The following CLIP2 variants were observed in gnomAD, a reference collection of about 807,000 sequenced individuals.
CLIP2 encodes CAP-Gly domain-containing linker protein 2.
A neutral mutation model predicts 111.7 loss-of-function variants in CLIP2; 41 were observed. The ratio of observed to expected loss-of-function variants is 0.37; its 90% CI spans 0.29 to 0.48. The LOEUF (loss-of-function observed/expected upper bound fraction) is 0.48. CLIP2 is among the 20% of genes least tolerant of loss of function. CLIP2 has a pLI of 0.99. For missense variants in CLIP2, 1,160 were observed against 1,422.1 expected, an observed-to-expected ratio of 0.82 and a Z score of 2.96; for synonymous variants, 660 against 644.2, an observed-to-expected ratio of 1.02 and a Z score of -0.37.
At chr7:74,299,767 C>T (rs1484117801) in intron 1 of CLIP2, among the ~76,000 whole-genome samples, 1 of 151,500 alleles carries the variant, frequency 6.6e-6, no homozygotes, top group Middle Eastern at 3.2e-3. Flanking sequence ...GGTGTGATCT[C>T]GGCTCACCGC....
intron 2 of CLIP2, among the ~76,000 whole-genome samples, chr7:74,333,374 G>A (rs1233101686): frequency 6.6e-6 from 1 of 151,798 alleles, no homozygotes; most frequent in Non-Finnish European, 1.5e-5. Flanking sequence ...AGTAGAGATG[G>A]GGTTTCACCA....
intron 3 of CLIP2, 102 bp from the exon 4 acceptor site, chr7:74,353,778 A>C (rs1190033246): frequency 6.5e-7 from 1 of 1,527,662 alleles, no homozygotes; most frequent in East Asian, 2.3e-5. Flanking sequence ...TGTCCTCTGC[A>C]TGCTGGAAGG....
intron 6 of CLIP2, among the ~76,000 whole-genome samples, chr7:74,358,223 G>A (rs1177969025): frequency 5.3e-5 from 8 of 151,638 alleles, no homozygotes; most frequent in Admixed American, 4.6e-4. Flanking sequence ...GCTAATTTTT[G>A]TATTTTAAGT....
In CLIP2 at chr7:74,310,036, CAAAAAAAAAAAAAAAAAAAAAAA is replaced by C. The variant is rs71094774; in HGVS notation, c.-67-7424_-67-7402del. The stretch of plus-strand genomic sequence containing the variant: ...GCAATATGGCAAGACCCTGTCTCTA[CAAAAAAAAAAAAAAAAAAAAAAA>C]AAAAAAAAAAAAAAAAAAAGTTCAG... On this transcript the variant is annotated intron_variant, in intron 1 of 16. Coordinates refer to ENST00000223398, the MANE Select transcript of CLIP2 (RefSeq NM_003388.5). 2.3e-4 allele frequency among the ~76,000 whole-genome samples: 21 copies of C among 92,492 alleles called. No individual in the cohort carries two copies. In the East Asian group the frequency reaches 3.2e-3, roughly 14 times the overall value. The allele number at this position is 92,492 out of a possible 152,430, so 60.7% of individuals were successfully genotyped here.
intron 3 of CLIP2, among the ~76,000 whole-genome samples, chr7:74,348,175 A>C (rs1789858956): frequency 6.6e-6 from 1 of 152,124 alleles, no homozygotes; most frequent in Non-Finnish European, 1.5e-5. Flanking sequence ...TTCAAAAAAA[A>C]ACAAAAACAG....
chr7:74,335,892 A>G (rs1223630651), intron 2 of CLIP2, among the ~76,000 whole-genome samples: 2 of 149,412 alleles, frequency 1.3e-5, no homozygotes, highest in South Asian at 2.1e-4. Context: ...ACAGGCGCCC[A>G]CCACCACGCC....
intron 4 of CLIP2, among the ~76,000 whole-genome samples, chr7:74,355,690 C>A (rs144903530): frequency 2.0e-5 from 3 of 152,182 alleles, no homozygotes; most frequent in Non-Finnish European, 4.4e-5. Flanking sequence ...TGACAGAAGA[C>A]GAGAATCCAG....
At chr7:74,348,789 C>CAAAAAA (rs377752236) in intron 3 of CLIP2, among the ~76,000 whole-genome samples, 1 of 108,398 alleles carries the variant, frequency 9.2e-6, no homozygotes, top group Non-Finnish European at 1.8e-5. Flanking sequence ...GACTCTGTCT[C>CAAAAAA]AAAAAAAAAA....
At position 74,338,872 on chromosome 7, in the gene CLIP2, C is replaced by G; in HGVS notation, c.546C>G (p.Ser182Arg). 1 of 1,607,758 alleles carries G rather than the reference C, an allele frequency of 6.2e-7. No individual in the cohort carries two copies. The highest frequency in any genetic ancestry group is 8.5e-7 in the Non-Finnish European group (1 of 1,179,912). ...GCACGGCCACGCCCCCGCTGACCAG[C>G]CGCGTCATCCCCCTGCGGGAGAGCG... ...HSGTATPPLT[S>R]RVIPLRESVL... is the part of the protein sequence containing the mutation. Residue 182 changes from serine to arginine, a missense_variant, in exon 3 of 17, where the codon AGC becomes AGG. Coordinates refer to ENST00000223398, the MANE Select transcript of CLIP2 (RefSeq NM_003388.5). The surrounding 1 kb of genome is among the most constrained non-coding windows in gnomAD (Gnocchi z 4.3).
At chr7:74,312,380 C>T (rs1788664131) in intron 1 of CLIP2, among the ~76,000 whole-genome samples, 1 of 152,108 alleles carries the variant, frequency 6.6e-6, no homozygotes, top group South Asian at 2.1e-4. Context: ...CCTTGCACCT[C>T]ACTTGAGTCT....
chr7:74,341,223 C>T (rs1389452103), intron 3 of CLIP2, among the ~76,000 whole-genome samples: 1 of 152,088 alleles, frequency 6.6e-6, no homozygotes, highest in Non-Finnish European at 1.5e-5. Flanking sequence ...TAGTCTCACT[C>T]TGTTGCCAGG....
chr7:74,369,074 G>C (rs969542257), intron 8 of CLIP2, among the ~76,000 whole-genome samples: 7 of 152,236 alleles, frequency 4.6e-5, no homozygotes, highest in African/African-American at 1.7e-4. Flanking sequence ...ATTCTGGCTG[G>C]ATGTGGTGGC....
Position 74,376,179 on chromosome 7 carries a change from C to A in CLIP2, c.1778C>A (p.Ala593Glu). The A allele has an allele frequency of 1.2e-6, 2 of 1,611,390 alleles. No homozygotes were observed. Among genetic ancestry groups the A allele is most frequent in the Non-Finnish European group, 1.7e-6 (2 of 1,178,866 alleles). ...AANEKYAQEV[A>E]GLKDKVQQAT... is the part of the protein sequence containing the mutation. Reference sequence around the variant, plus strand: ...AACGAGAAGTACGCACAGGAGGTGGCGGGCCTGAAGGACAAGGTTCAGCAG... The same window carrying A: ...AACGAGAAGTACGCACAGGAGGTGGAGGGCCTGAAGGACAAGGTTCAGCAG... The change falls in exon 10 of 17, where the codon GCG becomes GAG. Residue 593 changes from alanine to glutamate, a missense_variant. By Grantham distance (107) the Ala-to-Glu change is moderately radical. This residue lies in a region of CLIP2 where 676 missense variants were observed against 777.8 expected (regional missense o/e 0.87). Coordinates refer to ENST00000223398, the MANE Select transcript of CLIP2 (RefSeq NM_003388.5). This position sits in a 1 kb window ranked among gnomAD's most constrained non-coding sequence, Gnocchi z 7.1.
chr7:74,320,341 C>T (rs1307429402), intron 2 of CLIP2, among the ~76,000 whole-genome samples: 1 of 151,872 alleles, frequency 6.6e-6, no homozygotes, highest in African/African-American at 2.4e-5. Flanking sequence ...GCCTGAGCAA[C>T]ACAGCAAGAC....
chr7:74,372,926 G>A lies in CLIP2; in HGVS notation c.1381-6G>A, dbSNP rs1554312209. 1 of 1,554,234 alleles carries A rather than the reference G, an allele frequency of 6.4e-7. No individual in the cohort carries two copies. Among genetic ancestry groups the A allele is most frequent in the Non-Finnish European group, 8.7e-7 (1 of 1,154,492 alleles). On this transcript the variant is annotated splice_polypyrimidine_tract_variant and splice_region_variant and intron_variant, in intron 8 of 16. Coordinates refer to ENST00000223398, the MANE Select transcript of CLIP2 (RefSeq NM_003388.5). ...CCCCCCACCGTGTCCACCCTGGGTG[G>A]ACCAGACCCAGACGCAGCTGGAGCA...
chr7:74,367,397 A>C (rs183050352), intron 8 of CLIP2, among the ~76,000 whole-genome samples: 1 of 152,206 alleles, frequency 6.6e-6, no homozygotes, highest in Non-Finnish European at 1.5e-5. Flanking sequence ...TCACCGTGTT[A>C]GCCAGGATGG....
chr7:74,312,759 T>C (rs897567511), intron 1 of CLIP2, among the ~76,000 whole-genome samples: 8 of 152,122 alleles, frequency 5.3e-5, no homozygotes, highest in Non-Finnish European at 4.4e-5. Flanking sequence ...CTGGCAGGCA[T>C]GCCCAGTGCT....
chr7:74,395,480 T>C (rs1308401897), intron 13 of CLIP2, among the ~76,000 whole-genome samples: 1 of 151,930 alleles, frequency 6.6e-6, no homozygotes, highest in Non-Finnish European at 1.5e-5. Flanking sequence ...TGAGTAGAGA[T>C]AGGGTTTTGC....
At chr7:74,323,851 G>C (rs1789036171) in intron 2 of CLIP2, among the ~76,000 whole-genome samples, 1 of 152,198 alleles carries the variant, frequency 6.6e-6, no homozygotes. Context: ...AGACCATATA[G>C]GTTTGTGTAA....
Sources: gnomAD v4.1 joint callset for allele counts (sites outside exome capture counted in the v4.1 genomes callset) on GRCh38, gnomAD v4.1.1 for gene constraint, gnomAD v4.1.1 regional missense constraint, Gnocchi (gnomAD v3.1) non-coding constraint, MANE v1.5 for transcripts, NCBI Gene and HGNC (gene_info 2026-07-23, HGNC 2026-07-21) for gene names.